Variants in EVPLL observed in about 807,000 individuals in gnomAD.
EVPLL encodes the protein envoplakin-like protein.
Under a neutral mutation model 46.2 loss-of-function variants are expected in EVPLL, and 39 were observed. That is an observed-to-expected ratio of 0.84 (90% confidence interval 0.65 to 1.10). The LOEUF (loss-of-function observed/expected upper bound fraction) is 1.10, where lower values mean the gene tolerates loss of function less well. Ranked by LOEUF, EVPLL falls within the 50% of genes least tolerant of loss-of-function variation. The pLI is 0.00. For missense variants in EVPLL, 385 were observed against 412.6 expected (o/e 0.93, Z 0.58); for synonymous variants, 156 against 165.8 (o/e 0.94, Z 0.46).
chr17:18,387,531 G>A (rs34188196), intron 9 of EVPLL, among the ~76,000 whole-genome samples: 41,364 of 123,842 alleles, frequency 0.33, 6,744 homozygotes, highest in Non-Finnish European at 0.39. Flanking sequence ...CTACTCAGCA[G>A]TTACTCAGCT....
In EVPLL at chr17:18,377,838, T is replaced by G. The variant is rs1987431346; in HGVS notation, c.-182T>G. ...CTGCCTCCCACCTGCCCTCCTGCCC[T>G]CCTTCACCAGCCAAGCCCAGCCTGA... On this transcript the variant is annotated 5_prime_UTR_variant, in exon 1 of 11. Transcript: ENST00000399134. The G allele has an allele frequency of 1.4e-6, 1 of 740,232 alleles. No individual in the cohort carries two copies. The highest frequency in any genetic ancestry group is 2.2e-6 in the Non-Finnish European group (1 of 452,260). The allele number at this position is 740,232 out of a possible 1,614,324, so 45.9% of individuals were successfully genotyped here.
intron 9 of EVPLL, chr17:18,387,762 C>CA (rs1450628256): frequency 1.3e-5 from 2 of 152,374 alleles, no homozygotes; most frequent in Non-Finnish European, 2.9e-5. Context: ...GTAATCCCAA[C>CA]ACTCTGAGAG....
At position 18,382,135 on chromosome 17, in the gene EVPLL, T is replaced by C. The variant is rs1335834899; in HGVS notation, c.347-378T>C. ...CACAGAAGGGGTGTCATCATGACAATAGAGGAACAGTGGGGAAGGGCCCGG... is the reference window on the plus strand; with the variant it reads ...CACAGAAGGGGTGTCATCATGACAACAGAGGAACAGTGGGGAAGGGCCCGG... On this transcript the variant is annotated intron_variant, in intron 4 of 10. Transcript: ENST00000399134. 2.6e-5 allele frequency: 9 copies of C among 339,660 alleles called. No individual in the cohort carries two copies. In the Admixed American group the frequency reaches 2.8e-4, roughly 11 times the overall value. The allele number at this position is 339,660 out of a possible 1,614,324, so 21.0% of individuals were successfully genotyped here.
chr17:18,378,777 G>C (rs1304217755), intron 1 of EVPLL, among the ~76,000 whole-genome samples: 1 of 148,818 alleles, frequency 6.7e-6, no homozygotes. Context: ...CTGTGACTCT[G>C]TCTTTAAAAA....
At chr17:18,382,901 G>A (rs1987632864) in intron 6 of EVPLL, 37 bp downstream of exon 6, 3 of 1,594,102 alleles carry the variant, frequency 1.9e-6, no homozygotes, top group Admixed American at 1.7e-5. Flanking sequence ...GTGGCTGCAG[G>A]TGGGCCTGGG....
At position 18,383,040 on chromosome 17, in the gene EVPLL, C is replaced by T. The variant is rs1336834804; in HGVS notation, c.527C>T (p.Ala176Val). The T allele has an allele frequency of 4.2e-5, 66 of 1,557,920 alleles. No individual in the cohort carries two copies. The highest frequency in any genetic ancestry group is 5.7e-5 in the Non-Finnish European group (66 of 1,157,818). Residue 176 changes from alanine to valine, a missense_variant, in exon 7 of 11, where the codon GCG (alanine) becomes GTG (valine). Transcript: ENST00000399134. ...IPRPTEGGVV[A>V]RAEPGQPVHA... The stretch of plus-strand genomic sequence containing the variant: ...CTGAGCACAGAGGGCGGCGTCGTGG[C>T]GCGGGCAGAGCCTGGGCAGCCTGTA...
rs1397281091 is a variant in EVPLL at position 18,381,507 on chromosome 17, G to A, written c.204G>A (p.Glu68=). The part of the protein sequence containing the change: ...KARRLKHPQA[E]ETEKDIEQLH... ...GGCGGCTCAAGCACCCGCAGGCTGAGGAGACTGAGAAGGAGTGAGTGGGGC... is the reference window on the plus strand; with the variant it reads ...GGCGGCTCAAGCACCCGCAGGCTGAAGAGACTGAGAAGGAGTGAGTGGGGC... The change falls in exon 3 of 11, where the codon GAG becomes GAA. Residue 68 remains glutamate, a synonymous_variant. Coordinates refer to ENST00000399134, the MANE Select transcript of EVPLL (RefSeq NM_001145127.2). This position sits in a 1 kb window ranked among gnomAD's most constrained non-coding sequence, Gnocchi z 4.2. The A allele has an allele frequency of 1.9e-6, 3 of 1,613,962 alleles. No homozygotes were observed. The South Asian group carries it at 3.3e-5, about 18-fold the overall frequency.
At chr17:18,384,845 G>A (rs1163479931) in intron 9 of EVPLL, among the ~76,000 whole-genome samples, 2 of 152,200 alleles carry the variant, frequency 1.3e-5, no homozygotes, top group Non-Finnish European at 2.9e-5. Flanking sequence ...AGCTCTCTGT[G>A]GATGGATTGG....
chr17:18,386,897 T>C (rs1987782759), intron 9 of EVPLL, among the ~76,000 whole-genome samples: 1 of 34,388 alleles, frequency 2.9e-5, no homozygotes, highest in Admixed American at 2.9e-4. Flanking sequence ...TTGGTTAATT[T>C]TTTTTTTTTT....
Position 18,381,484 on chromosome 17 carries a change from C to G in EVPLL, c.181C>G (p.Arg61Gly), listed in dbSNP as rs773584740. The G allele has an allele frequency of 1.9e-6, 3 of 1,613,860 alleles. No individual in the cohort carries two copies. The highest frequency in any genetic ancestry group is 2.5e-6 in the Non-Finnish European group (3 of 1,179,964). Residue 61 changes from arginine to glycine, a missense_variant, in exon 3 of 11, where the codon CGG becomes GGG. Physicochemically the swap from Arg to Gly is moderately radical, Grantham distance 125 (BLOSUM62 -2). Transcript: ENST00000399134. The surrounding 1 kb of genome is among the most constrained non-coding windows in gnomAD (Gnocchi z 4.2). ...DLFLDVDKAR[R>G]LKHPQAEETE... is the part of the protein sequence containing the mutation. ...CTTCCTGGACGTGGACAAGGCCCGG[C>G]GGCTCAAGCACCCGCAGGCTGAGGA...
In EVPLL at chr17:18,383,026, G is replaced by A; in HGVS notation, c.513G>A (p.Glu171=). ...HHPEPIPRPT[E]GGVVARAEPG... Reference sequence around the variant, plus strand: ...GCTGGCGGCGGGTCCTGAGCACAGAGGGCGGCGTCGTGGCGCGGGCAGAGC... The same window carrying A: ...GCTGGCGGCGGGTCCTGAGCACAGAAGGCGGCGTCGTGGCGCGGGCAGAGC... Residue 171 remains glutamate, a splice_region_variant and synonymous_variant, in exon 7 of 11, where the codon GAG becomes GAA. Transcript: ENST00000399134. The A allele has an allele frequency of 6.4e-7, 1 of 1,558,670 alleles. No homozygotes were observed. Among genetic ancestry groups the A allele is most frequent in the Non-Finnish European group, 8.6e-7 (1 of 1,157,774 alleles).
At position 18,377,874 on chromosome 17, in the gene EVPLL, G is replaced by T; in HGVS notation, c.-146G>T. 9.9e-7 allele frequency: 1 copy of T among 1,005,342 alleles called. No individual in the cohort carries two copies. Among genetic ancestry groups the T allele is most frequent in the Non-Finnish European group, 1.5e-6 (1 of 683,686 alleles). The allele number at this position is 1,005,342 out of a possible 1,614,324, so 62.3% of individuals were successfully genotyped here. On this transcript the variant is annotated 5_prime_UTR_variant, in exon 1 of 11. Transcript: ENST00000399134. The stretch of plus-strand genomic sequence containing the variant: ...CCAAGCCCAGCCTGAGCCAGCACCT[G>T]CCTTTATGACCATGTTCAAGGGACT...
chr17:18,380,597 T>G (rs1987529521), intron 1 of EVPLL: 1 of 254,636 alleles, frequency 3.9e-6, no homozygotes, highest in Non-Finnish European at 7.6e-6. Context: ...GGCAGGCAGC[T>G]GGGTGGGGTC....
In EVPLL at chr17:18,377,868, G is replaced by A. The variant is rs1000267659; in HGVS notation, c.-152G>A. 8 of 955,278 alleles carry A rather than the reference G, an allele frequency of 8.4e-6. No individual in the cohort carries two copies. The highest frequency in any genetic ancestry group is 2.6e-5 in the Admixed American group (1 of 38,164). 59.2% of individuals were successfully genotyped at this position (955,278 alleles called of 1,614,324 possible). On this transcript the variant is annotated 5_prime_UTR_variant, in exon 1 of 11. Coordinates refer to ENST00000399134, the MANE Select transcript of EVPLL (RefSeq NM_001145127.2). ...CACCAGCCAAGCCCAGCCTGAGCCAGCACCTGCCTTTATGACCATGTTCAA... is the reference window on the plus strand; with the variant it reads ...CACCAGCCAAGCCCAGCCTGAGCCAACACCTGCCTTTATGACCATGTTCAA...
intron 1 of EVPLL, 96 bp from the exon 2 acceptor site, chr17:18,380,806 C>A (rs996815338): frequency 3.0e-6 from 3 of 1,014,070 alleles, no homozygotes; most frequent in Admixed American, 2.1e-5. Flanking sequence ...GCTGTGGGGG[C>A]GGGATGGGGT....
At chr17:18,380,879 C>A in intron 1 of EVPLL, 23 bp from the exon 2 acceptor site, 1 of 1,550,278 alleles carries the variant, frequency 6.5e-7, no homozygotes, top group South Asian at 1.2e-5. Flanking sequence ...CCGAGCTGCC[C>A]ACTGTCCCCT....
At chr17:18,382,438 C>T (rs1179543162) in intron 4 of EVPLL, 75 bp from the exon 5 acceptor site, 7 of 1,535,002 alleles carry the variant, frequency 4.6e-6, no homozygotes, top group East Asian at 2.5e-5. Context: ...TCCACTTCTC[C>T]GGGTGGGAGA....
chr17:18,382,227 T>G, intron 4 of EVPLL: 1 of 387,036 alleles, frequency 2.6e-6, no homozygotes, highest in Non-Finnish European at 4.9e-6. Context: ...GCACTGAGGC[T>G]GGGTCACAGA....
chr17:18,382,335 C>A (rs1356536229), intron 4 of EVPLL, 178 bp from the exon 5 acceptor site: 2 of 711,396 alleles, frequency 2.8e-6, no homozygotes, highest in East Asian at 3.2e-5. Flanking sequence ...GCAGTGGCCA[C>A]CCTGCAGAGC....
Sources: allele counts gnomAD v4.1 joint callset (sites outside exome capture counted in the v4.1 genomes callset), GRCh38; gene constraint gnomAD v4.1.1; non-coding constraint Gnocchi (gnomAD v3.1); transcripts MANE v1.5; gene names NCBI Gene and HGNC (gene_info 2026-07-23, HGNC 2026-07-21).